SLC25A21: variants seen among roughly 807,000 people sequenced by gnomAD.
The protein encoded by SLC25A21 is mitochondrial 2-oxodicarboxylate carrier.
SLC25A21 carries 47 observed loss-of-function variants against 43.8 expected under a neutral mutation model. That is an observed-to-expected ratio of 1.07 (90% CI 0.85 to 1.37). The LOEUF (loss-of-function observed/expected upper bound fraction) is 1.37. SLC25A21 is among the 40% of genes most tolerant of loss of function. SLC25A21 has a pLI of 0.00. For missense variants in SLC25A21, 352 were observed against 350.2 expected, an observed-to-expected ratio of 1.00 and a Z score of -0.04; for synonymous variants, 131 against 121.3, an observed-to-expected ratio of 1.08 and a Z score of -0.52.
chr14:37,085,974 G>A (rs902100773), intron 1 of SLC25A21, among the ~76,000 whole-genome samples: 6 of 151,966 alleles, frequency 3.9e-5, no homozygotes, highest in East Asian at 1.9e-4. Flanking sequence ...GCGTGGTGGC[G>A]GGCGCCTGTA....
intron 1 of SLC25A21, among the ~76,000 whole-genome samples, chr14:37,169,891 A>G (rs951034648): frequency 2.6e-5 from 4 of 152,192 alleles, no homozygotes; most frequent in African/African-American, 4.8e-5. Context: ...TATTAACTAT[A>G]TAAATCAACT....
chr14:36,890,157 A>G (rs974039977), intron 1 of SLC25A21, among the ~76,000 whole-genome samples: 4 of 152,178 alleles, frequency 2.6e-5, no homozygotes, highest in Non-Finnish European at 4.4e-5. Context: ...GGTATGAAAT[A>G]GTCTTCTGCA....
At chr14:37,151,230 G>A (rs894701668) in intron 1 of SLC25A21, among the ~76,000 whole-genome samples, 3 of 151,990 alleles carry the variant, frequency 2.0e-5, no homozygotes, top group African/African-American at 7.3e-5. Context: ...TTTCAGACAG[G>A]CCCCTCCTGT....
chr14:37,029,618 C>T (rs1350072158), intron 1 of SLC25A21, among the ~76,000 whole-genome samples: 1 of 152,092 alleles, frequency 6.6e-6, no homozygotes, highest in African/African-American at 2.4e-5. Flanking sequence ...GAGGGGATCC[C>T]TCCCTGGAAG....
chr14:36,932,572 A>G (rs1404160538), intron 1 of SLC25A21, among the ~76,000 whole-genome samples: 1 of 152,146 alleles, frequency 6.6e-6, no homozygotes, highest in Non-Finnish European at 1.5e-5. Context: ...TAAATGAGAC[A>G]TGCTCCATTT....
At chr14:36,968,893 GA>G (rs1959683030) in intron 1 of SLC25A21, among the ~76,000 whole-genome samples, 1 of 152,120 alleles carries the variant, frequency 6.6e-6, no homozygotes, top group Admixed American at 6.6e-5. Context: ...ACATATCAAA[GA>G]AAATAAAGTG....
chr14:36,828,211 C>T (rs138124049), intron 2 of SLC25A21, among the ~76,000 whole-genome samples: 336 of 152,170 alleles, frequency 2.2e-3, no homozygotes, highest in African/African-American at 7.6e-3. Context: ...CCTCCTGCTC[C>T]CTTTTTTGTC....
intron 1 of SLC25A21, among the ~76,000 whole-genome samples, chr14:37,097,388 C>T (rs1962719538): frequency 6.6e-6 from 1 of 152,072 alleles, no homozygotes; most frequent in Non-Finnish European, 1.5e-5. Context: ...ATGTGAGCCA[C>T]CGCACTCGGC....
At chr14:36,968,687 TC>T (rs886413719) in intron 1 of SLC25A21, among the ~76,000 whole-genome samples, 3 of 152,172 alleles carry the variant, frequency 2.0e-5, no homozygotes, top group Non-Finnish European at 4.4e-5. Context: ...CAGCGTTGGG[TC>T]CAAGTTACAG....
chr14:36,760,433 AT>A (rs1177430834), intron 3 of SLC25A21, among the ~76,000 whole-genome samples: 1 of 152,006 alleles, frequency 6.6e-6, no homozygotes, highest in East Asian at 1.9e-4. Flanking sequence ...AGAGATAGTA[AT>A]TTTTTTATTG....
chr14:37,049,473 G>T (rs1961659525), intron 1 of SLC25A21, among the ~76,000 whole-genome samples: 1 of 152,104 alleles, frequency 6.6e-6, no homozygotes, highest in African/African-American at 2.4e-5. Context: ...TAGGGAGGCA[G>T]AAGTGGGAGG....
chr14:36,953,409 G>T (rs1476567056), intron 1 of SLC25A21, among the ~76,000 whole-genome samples: 1 of 151,990 alleles, frequency 6.6e-6, no homozygotes, highest in African/African-American at 2.4e-5. Context: ...CATATAGATA[G>T]CATATATAGT....
chr14:37,131,975 C>T (rs1332225387), intron 1 of SLC25A21, among the ~76,000 whole-genome samples: 15 of 152,124 alleles, frequency 9.9e-5, no homozygotes, highest in Non-Finnish European at 1.5e-5. Flanking sequence ...CACCAGCCCA[C>T]GGGGAGTAAT....
intron 1 of SLC25A21, among the ~76,000 whole-genome samples, chr14:36,893,261 T>C (rs1891133508): frequency 6.6e-6 from 1 of 152,234 alleles, no homozygotes; most frequent in Non-Finnish European, 1.5e-5. Context: ...TGAGATGATA[T>C]CTCACTGTGG....
At chr14:36,979,230 T>TG (rs1959954652) in intron 1 of SLC25A21, among the ~76,000 whole-genome samples, 1 of 152,148 alleles carries the variant, frequency 6.6e-6, no homozygotes, top group South Asian at 2.1e-4. Flanking sequence ...CTTGATAGCT[T>TG]ATATTCCTAT....
At chr14:37,147,795 C>CT (rs1963691686) in intron 1 of SLC25A21, among the ~76,000 whole-genome samples, 2 of 150,894 alleles carry the variant, frequency 1.3e-5, no homozygotes, top group South Asian at 4.2e-4. Flanking sequence ...TGAGACCACA[C>CT]TTTTTCTCAC....
At chr14:36,821,124 T>G in intron 2 of SLC25A21, among the ~76,000 whole-genome samples, 1 of 152,166 alleles carries the variant, frequency 6.6e-6, no homozygotes, top group African/African-American at 2.4e-5. Flanking sequence ...GTTTTGAAAT[T>G]TATGTGTACA....
At chr14:36,737,845 AAGG>A (rs1190049351) in intron 3 of SLC25A21, among the ~76,000 whole-genome samples, 4 of 152,194 alleles carry the variant, frequency 2.6e-5, no homozygotes, top group Non-Finnish European at 4.4e-5. Flanking sequence ...CAGAAGCAAG[AAGG>A]AGAAGCTCTG....
At chr14:36,783,982 T>C (rs1887162706) in intron 3 of SLC25A21, among the ~76,000 whole-genome samples, 1 of 152,162 alleles carries the variant, frequency 6.6e-6, no homozygotes, top group South Asian at 2.1e-4. Context: ...AGATGAATAA[T>C]TTTTTTCAAC....
Sources: allele counts gnomAD v4.1 joint callset (sites outside exome capture counted in the v4.1 genomes callset), GRCh38; gene constraint gnomAD v4.1.1; transcripts MANE v1.5; gene names NCBI Gene and HGNC (gene_info 2026-07-23, HGNC 2026-07-21).